The following MAST4 variants were observed in gnomAD, a reference collection of about 807,000 sequenced individuals.
The protein encoded by MAST4 is microtubule-associated serine/threonine-protein kinase 4.
MAST4 carries 89 observed loss-of-function variants against 162.7 expected under a neutral mutation model. That is an observed-to-expected ratio of 0.55 (90% CI 0.46 to 0.65). The LOEUF (loss-of-function observed/expected upper bound fraction) is 0.65. Among genes scored for constraint, MAST4 ranks in the 30% least tolerant of loss-of-function variants. MAST4 has a pLI of 0.00. For missense variants in MAST4, 3,153 were observed against 3,374.0 expected (o/e 0.93, Z 1.62); for synonymous variants, 1,479 against 1,361.1 (o/e 1.09, Z -1.91).
Position 67,149,461 on chromosome 5 carries a change from C to T in MAST4, c.3167C>T (p.Ser1056Leu), listed in dbSNP as rs184617525. The change falls in exon 24 of 29, where the codon TCA becomes TTA. Residue 1056 changes from serine to leucine, a missense_variant. Transcript: ENST00000403625. ...SECVDSTDNS[S>L]KPSSEPASHM... ...TGTGTGGACAGTACAGATAATTCCT[C>T]AAAGCCATCCAGTGAACCCGCTTCT... 887 of 1,613,716 alleles carry T rather than the reference C, an allele frequency of 5.5e-4. 9 individuals are homozygous for T. In the African/African-American group the frequency reaches 0.011, roughly 20 times the overall value.
At chr5:66,697,447 ACTAGT>A (rs1487039571) in intron 1 of MAST4, among the ~76,000 whole-genome samples, 2 of 152,236 alleles carry the variant, frequency 1.3e-5, no homozygotes, top group Non-Finnish European at 2.9e-5. Context: ...CCTTTAAGAA[ACTAGT>A]ACTTGTTGAG....
chr5:66,602,293 TGTG>T (rs2149383205), intron 1 of MAST4, among the ~76,000 whole-genome samples: 2 of 152,222 alleles, frequency 1.3e-5, no homozygotes, highest in East Asian at 3.9e-4. Flanking sequence ...TGACAGGAAG[TGTG>T]GTGTTTGGGT....
intron 4 of MAST4, among the ~76,000 whole-genome samples, chr5:67,033,315 C>G (rs1460429938): frequency 1.5e-4 from 19 of 125,990 alleles, no homozygotes; most frequent in East Asian, 4.4e-4. Flanking sequence ...TTTCATTTCT[C>G]TGTGTGTGTG....
chr5:66,931,801 C>A (rs912797134), intron 4 of MAST4, among the ~76,000 whole-genome samples: 8 of 152,054 alleles, frequency 5.3e-5, no homozygotes, highest in Admixed American at 3.9e-4. Context: ...GTTTCCCCAG[C>A]GCAGGACTAT....
In MAST4 at chr5:67,168,777, C is replaced by T. The variant is rs1271279964; in HGVS notation, c.*1726C>T. 6.6e-6 allele frequency: 1 copy of T among 152,044 alleles called. No homozygotes were observed. The highest frequency in any genetic ancestry group is 1.5e-5 in the Non-Finnish European group (1 of 68,014). 9.4% of individuals were successfully genotyped at this position (152,044 alleles called of 1,614,324 possible). A position where few individuals can be genotyped will look rare whatever the true frequency, so the allele number is the denominator to read the frequency against. The stretch of plus-strand genomic sequence containing the variant: ...TCTAAGCACAGCATCATCTTATGGC[C>T]TTATGGATTGTAAATCTTCTAGTGA... On this transcript the variant is annotated 3_prime_UTR_variant, in exon 29 of 29. Coordinates refer to ENST00000403625, the MANE Select transcript of MAST4 (RefSeq NM_001164664.2).
chr5:66,777,549 G>A (rs1475428649), intron 2 of MAST4, among the ~76,000 whole-genome samples: 3 of 152,110 alleles, frequency 2.0e-5, no homozygotes, highest in Non-Finnish European at 2.9e-5. Context: ...GGGATCTTTG[G>A]TGATGGACTT....
chr5:66,861,161 T>C (rs569173801), intron 3 of MAST4, among the ~76,000 whole-genome samples: 4 of 152,346 alleles, frequency 2.6e-5, no homozygotes, highest in South Asian at 2.1e-4. Context: ...GTATCAGTGG[T>C]CCCACAAAGT....
chr5:66,734,684 T>C (rs981274945), intron 1 of MAST4, among the ~76,000 whole-genome samples: 1 of 152,242 alleles, frequency 6.6e-6, no homozygotes, highest in East Asian at 1.9e-4. Flanking sequence ...ATTAGCCACA[T>C]GTGGCTTTTG....
chr5:67,047,391 C>A (rs1757510952), intron 4 of MAST4, among the ~76,000 whole-genome samples: 2 of 152,170 alleles, frequency 1.3e-5, no homozygotes, highest in South Asian at 4.1e-4. Flanking sequence ...CCTGCTGCTC[C>A]TAGAACACTC....
At chr5:66,680,262 T>C (rs1326087305) in intron 1 of MAST4, among the ~76,000 whole-genome samples, 1 of 152,226 alleles carries the variant, frequency 6.6e-6, no homozygotes, top group African/African-American at 2.4e-5. Context: ...CTGTTGACTT[T>C]GTTTTTTAGA....
At chr5:66,673,904 T>A (rs900389016) in intron 1 of MAST4, among the ~76,000 whole-genome samples, 8 of 152,210 alleles carry the variant, frequency 5.3e-5, no homozygotes, top group Non-Finnish European at 1.0e-4. Flanking sequence ...CATAACAAAG[T>A]GGTCATCTAC....
At chr5:66,989,127 G>C (rs756955351) in intron 4 of MAST4, among the ~76,000 whole-genome samples, 30 of 152,216 alleles carry the variant, frequency 2.0e-4, no homozygotes, top group Middle Eastern at 3.4e-3. Flanking sequence ...GTGGGATGTT[G>C]GTGTGTTTTA....
intron 1 of MAST4, among the ~76,000 whole-genome samples, chr5:66,741,061 C>T (rs1044184491): frequency 7.2e-5 from 11 of 152,128 alleles, no homozygotes; most frequent in Admixed American, 6.5e-4. Context: ...TGCTCACCCA[C>T]CTTGCTTGCT....
Position 66,963,815 on chromosome 5 carries a change from G to A in MAST4, c.674+63833G>A, listed in dbSNP as rs567944825. 4 of 778,940 alleles carry A rather than the reference G, an allele frequency of 5.1e-6. No individual in the cohort carries two copies. In the East Asian group the frequency reaches 9.7e-5, roughly 19 times the overall value. The allele number at this position is 778,940 out of a possible 1,614,324, so 48.3% of individuals were successfully genotyped here. The stretch of plus-strand genomic sequence containing the variant: ...AAGCATGCTCCAGGGCCTGCCCAGG[G>A]CTGCTTTGTCTTTCTGTTGCCCCAT... On this transcript the variant is annotated intron_variant, in intron 4 of 28. Coordinates refer to ENST00000403625, the MANE Select transcript of MAST4 (RefSeq NM_001164664.2).
intron 3 of MAST4, among the ~76,000 whole-genome samples, chr5:66,895,926 A>G (rs1762655582): frequency 6.6e-6 from 1 of 152,164 alleles, no homozygotes; most frequent in African/African-American, 2.4e-5. Flanking sequence ...CAGTCCCTCA[A>G]AATGTTGGCA....
intron 4 of MAST4, among the ~76,000 whole-genome samples, chr5:67,040,567 G>A (rs1034000269): frequency 6.6e-6 from 1 of 152,200 alleles, no homozygotes; most frequent in Non-Finnish European, 1.5e-5. Context: ...ACCAGGGTCA[G>A]ACTTACTGCC....
chr5:67,050,401 C>A (rs1016170247), intron 4 of MAST4, among the ~76,000 whole-genome samples: 5 of 152,294 alleles, frequency 3.3e-5, no homozygotes, highest in Middle Eastern at 3.4e-3. Context: ...GACATTCTTA[C>A]ACGCAGTGTT....
chr5:66,865,104 G>T (rs546022563), intron 3 of MAST4, among the ~76,000 whole-genome samples: 2 of 152,324 alleles, frequency 1.3e-5, no homozygotes, highest in South Asian at 4.1e-4. Context: ...CTGGGTAGAT[G>T]GTGGTGTTCT....
chr5:66,890,323 G>A (rs1561418639), intron 3 of MAST4, among the ~76,000 whole-genome samples: 1 of 152,110 alleles, frequency 6.6e-6, no homozygotes, highest in Non-Finnish European at 1.5e-5. Context: ...TTTGACTTAG[G>A]AGACATATTC....
Sources: gnomAD v4.1 joint callset for allele counts (sites outside exome capture counted in the v4.1 genomes callset) on GRCh38, gnomAD v4.1.1 for gene constraint, MANE v1.5 for transcripts, NCBI Gene and HGNC (gene_info 2026-07-23, HGNC 2026-07-21) for gene names.